SPTLC3: variants seen among roughly 807,000 people sequenced by gnomAD.
SPTLC3 encodes the protein serine palmitoyltransferase long chain base subunit 3.
SPTLC3 carries 36 observed loss-of-function variants against 59.3 expected under a neutral mutation model. The ratio of observed to expected loss-of-function variants is 0.61; its 90% CI spans 0.47 to 0.80. SPTLC3 has a LOEUF of 0.80. SPTLC3 is among the 30% of genes least tolerant of loss of function. The pLI is 0.00. For synonymous variants in SPTLC3, 257 were observed against 240.8 expected, an observed-to-expected ratio of 1.07 and a Z score of -0.62; for missense variants, 625 against 685.1, an observed-to-expected ratio of 0.91 and a Z score of 0.98.
chr20:13,017,232 T>A (rs1314932431), intron 1 of SPTLC3, among the ~76,000 whole-genome samples: 1 of 152,194 alleles, frequency 6.6e-6, no homozygotes, highest in Non-Finnish European at 1.5e-5. Context: ...GACACCAAAC[T>A]GTCATATATC....
Position 13,167,573 on chromosome 20 carries a change from GA to G in SPTLC3, c.*2707del, listed in dbSNP as rs1353044943. 2.0e-5 allele frequency: 3 copies of G among 152,200 alleles called. No individual in the cohort carries two copies. Among genetic ancestry groups the G allele is most frequent in the African/African-American group, 7.2e-5 (3 of 41,458 alleles). 9.4% of individuals were successfully genotyped at this position (152,200 alleles called of 1,614,324 possible). A position where few individuals can be genotyped will look rare whatever the true frequency, so the allele number is the denominator to read the frequency against. On this transcript the variant is annotated 3_prime_UTR_variant, in exon 12 of 12. Coordinates refer to ENST00000399002, the MANE Select transcript of SPTLC3 (RefSeq NM_018327.4). ...TGAAAATGACCTCAGGAAAGCAGAA[GA>G]TAAAGGTTCCAGATGATATTTGTAA...
chr20:13,066,396 C>A (rs1988212358), intron 2 of SPTLC3, among the ~76,000 whole-genome samples: 1 of 152,108 alleles, frequency 6.6e-6, no homozygotes, highest in South Asian at 2.1e-4. Context: ...TATTCCTGGG[C>A]TCTCTATTCT....
rs554846327 is a variant in SPTLC3, at chr20:13,162,882, G to A, written c.1546-1872G>A. Among the ~76,000 whole-genome samples the A allele has an allele frequency of 5.3e-5, 8 of 152,054 alleles. No homozygotes were observed. In the South Asian group the frequency reaches 6.2e-4, roughly 12 times the overall value. On this transcript the variant is annotated intron_variant, in intron 11 of 11. Coordinates refer to ENST00000399002, the MANE Select transcript of SPTLC3 (RefSeq NM_018327.4). ...ATCTTCCTGTCACTAAGATGCCCAC[G>A]GTTCTTCTGCAGTGTCCTCCCTCTC...
intron 4 of SPTLC3, among the ~76,000 whole-genome samples, chr20:13,085,872 C>A (rs1988989716): frequency 6.6e-6 from 1 of 152,102 alleles, no homozygotes; most frequent in Non-Finnish European, 1.5e-5. Flanking sequence ...GAGGATACTT[C>A]CAGTTTATGT....
chr20:13,134,804 A>G (rs1027330994), intron 9 of SPTLC3, among the ~76,000 whole-genome samples: 1 of 152,220 alleles, frequency 6.6e-6, no homozygotes, highest in African/African-American at 2.4e-5. Context: ...AGGCAGAAGA[A>G]TAAGAAAAAG....
rs73085837 is a variant in SPTLC3 at position 13,088,131 on chromosome 20, C to A, written c.608-2952C>A. 4.3e-3 allele frequency among the ~76,000 whole-genome samples: 661 copies of A among 152,278 alleles called. 3 individuals carry two copies. The highest frequency in any genetic ancestry group is 7.6e-3 in the Non-Finnish European group (515 of 68,016). ...TGGAACCATTCCCATTGGGAAGAAG[C>A]CTCTTTTAGGTAAACGCGTATCTGG... On this transcript the variant is annotated intron_variant, in intron 4 of 11. Coordinates refer to ENST00000399002, the MANE Select transcript of SPTLC3 (RefSeq NM_018327.4).
At chr20:13,146,722 C>T (rs1026471669) in intron 9 of SPTLC3, among the ~76,000 whole-genome samples, 1 of 152,164 alleles carries the variant, frequency 6.6e-6, no homozygotes, top group Admixed American at 6.5e-5. Context: ...AGAAATTTTT[C>T]ATCTTCTATT....
At chr20:13,113,592 G>C (rs767204165) in intron 7 of SPTLC3, among the ~76,000 whole-genome samples, 1 of 152,148 alleles carries the variant, frequency 6.6e-6, no homozygotes, top group Non-Finnish European at 1.5e-5. Flanking sequence ...AGAATATAGA[G>C]GAGTCAGGAT....
chr20:13,053,473 G>A (rs1354543094), intron 2 of SPTLC3, among the ~76,000 whole-genome samples: 2 of 152,084 alleles, frequency 1.3e-5, no homozygotes, highest in African/African-American at 2.4e-5. Flanking sequence ...AAACCAGAAT[G>A]CCTCTTCTCC....
At chr20:13,140,249 C>CAA (rs1260575677) in intron 9 of SPTLC3, among the ~76,000 whole-genome samples, 1 of 152,036 alleles carries the variant, frequency 6.6e-6, no homozygotes, top group African/African-American at 2.4e-5. Context: ...TTAAAAATTG[C>CAA]AATTTAAAAA....
intron 1 of SPTLC3, among the ~76,000 whole-genome samples, chr20:13,027,586 C>T (rs1986212998): frequency 6.6e-6 from 1 of 151,294 alleles, no homozygotes; most frequent in East Asian, 1.9e-4. Flanking sequence ...CTCATAAGAA[C>T]AGGAAGGAAG....
At chr20:13,009,834 A>T (rs415347) in intron 1 of SPTLC3, among the ~76,000 whole-genome samples, 34,707 of 152,080 alleles carry the variant, frequency 0.23, 6,177 homozygotes, top group African/African-American at 0.5. Flanking sequence ...GAAATGCATC[A>T]CTGTTTGAAA....
In SPTLC3 at chr20:13,165,001, G is replaced by A; in HGVS notation, c.*134G>A. On this transcript the variant is annotated 3_prime_UTR_variant, in exon 12 of 12. Transcript: ENST00000399002. ...CCCAGACCAGCTTGATTGAACTGAG[G>A]GAGACGTTGTTGTTTTTAATGTCTC... The A allele has an allele frequency of 1.6e-6, 1 of 643,686 alleles. No homozygotes were observed. Among genetic ancestry groups the A allele is most frequent in the Non-Finnish European group, 2.6e-6 (1 of 380,914 alleles). The allele number at this position is 643,686 out of a possible 1,614,324, so 39.9% of individuals were successfully genotyped here.
intron 4 of SPTLC3, among the ~76,000 whole-genome samples, chr20:13,083,524 T>A (rs1988910896): frequency 6.6e-6 from 1 of 152,154 alleles, no homozygotes; most frequent in Non-Finnish European, 1.5e-5. Context: ...ATCACAGAAC[T>A]GAGGTTCAGC....
At chr20:13,139,973 C>G (rs2038342376) in intron 9 of SPTLC3, among the ~76,000 whole-genome samples, 1 of 152,140 alleles carries the variant, frequency 6.6e-6, no homozygotes, top group African/African-American at 2.4e-5. Context: ...GAACTCATTC[C>G]TAGCACATGG....
chr20:13,073,973 G>GTA, intron 3 of SPTLC3: 1 of 599,588 alleles, frequency 1.7e-6, no homozygotes, highest in Non-Finnish European at 3.3e-6. Flanking sequence ...CCAACTCCTG[G>GTA]TATATCCTGA....
chr20:13,146,319 A>G (rs1001563425), intron 9 of SPTLC3, among the ~76,000 whole-genome samples: 3 of 152,076 alleles, frequency 2.0e-5, no homozygotes, highest in Admixed American at 6.5e-5. Flanking sequence ...AGAGAGAACT[A>G]TTGTACTGGG....
chr20:13,103,183 C>A (rs560576879), intron 6 of SPTLC3, among the ~76,000 whole-genome samples: 207 of 152,286 alleles, frequency 1.4e-3, no homozygotes, highest in African/African-American at 4.7e-3. Flanking sequence ...GGAGAACAGA[C>A]CCCATAAATG....
chr20:13,061,487 G>A (rs921480125), intron 2 of SPTLC3, among the ~76,000 whole-genome samples: 2 of 152,134 alleles, frequency 1.3e-5, no homozygotes, highest in Admixed American at 6.5e-5. Context: ...GAGGCCACCT[G>A]TGCGCTAGCT....
Sources: gnomAD v4.1 joint callset for allele counts (sites outside exome capture counted in the v4.1 genomes callset) on GRCh38, gnomAD v4.1.1 for gene constraint, MANE v1.5 for transcripts, NCBI Gene and HGNC (gene_info 2026-07-23, HGNC 2026-07-21) for gene names.